The following CNTN5 variants were observed in gnomAD, a reference collection of about 807,000 sequenced individuals.
CNTN5 encodes contactin-5.
Under a neutral mutation model 129.1 loss-of-function variants are expected in CNTN5, and 77 were observed. The observed-to-expected ratio is 0.60, with a 90% confidence interval of 0.50 to 0.72. The LOEUF (loss-of-function observed/expected upper bound fraction) is 0.72. CNTN5 is among the 30% of genes least tolerant of loss of function. The pLI is 0.00. For synonymous variants in CNTN5, 509 were observed against 465.6 expected, an observed-to-expected ratio of 1.09 and a Z score of -1.20; for missense variants, 1,478 against 1,328.8, an observed-to-expected ratio of 1.11 and a Z score of -1.75.
chr11:99,158,564 C>A (rs1215543396), intron 1 of CNTN5, among the ~76,000 whole-genome samples: 1 of 151,900 alleles, frequency 6.6e-6, no homozygotes, highest in Non-Finnish European at 1.5e-5. Context: ...ACAAAGGAAA[C>A]CCCAGTATTA....
intron 3 of CNTN5, among the ~76,000 whole-genome samples, chr11:99,763,494 T>C (rs1315915610): frequency 6.6e-6 from 1 of 152,142 alleles, no homozygotes; most frequent in Non-Finnish European, 1.5e-5. Flanking sequence ...ATAATGTAGT[T>C]TTGGAATATA....
rs558884734 is a variant in CNTN5 at position 100,115,343 on chromosome 11, A to G, written c.1580+41049A>G. On this transcript the variant is annotated intron_variant, in intron 13 of 24. Transcript: ENST00000524871. ...GTAAGATATTATTTGTATTTAGCTC[A>G]TTTTGATCAATATCAGAAAACATTT... Among the ~76,000 whole-genome samples the G allele has an allele frequency of 6.5e-4, 99 of 152,228 alleles. 1 individual carries two copies. The highest frequency in any genetic ancestry group is 3.4e-3 in the Middle Eastern group (1 of 294).
chr11:99,855,628 A>T (rs1436109146), intron 6 of CNTN5, among the ~76,000 whole-genome samples: 1 of 152,140 alleles, frequency 6.6e-6, no homozygotes, highest in Non-Finnish European at 1.5e-5. Flanking sequence ...AAATTAGAAA[A>T]CAGAGTCTGA....
chr11:99,425,228 CCAAA>C (rs1347262550), intron 2 of CNTN5, among the ~76,000 whole-genome samples: 2 of 152,178 alleles, frequency 1.3e-5, no homozygotes, highest in Admixed American at 6.5e-5. Flanking sequence ...ATCTGATTGG[CCAAA>C]CAGTCATCAA....
At chr11:99,119,966 G>A (rs544345491) in intron 1 of CNTN5, among the ~76,000 whole-genome samples, 1 of 152,046 alleles carries the variant, frequency 6.6e-6, no homozygotes, top group Non-Finnish European at 1.5e-5. Flanking sequence ...TTTGGATGGG[G>A]TTGTTTGTTT....
chr11:99,943,156 G>A (rs1438088508), intron 7 of CNTN5, among the ~76,000 whole-genome samples: 2 of 152,008 alleles, frequency 1.3e-5, no homozygotes, highest in Non-Finnish European at 2.9e-5. Context: ...CCTCCAGTAG[G>A]TTAAAAGCGT....
intron 1 of CNTN5, among the ~76,000 whole-genome samples, chr11:99,307,213 T>C (rs781381711): frequency 1.1e-4 from 17 of 152,212 alleles, no homozygotes; most frequent in Non-Finnish European, 2.2e-4. Context: ...TAACAAATAA[T>C]TATCCAGCAC....
Position 100,323,391 on chromosome 11 carries a change from G to T in CNTN5, c.2730+14923G>T, listed in dbSNP as rs532636369. Among the ~76,000 whole-genome samples, 10 of 152,236 alleles carry T rather than the reference G, an allele frequency of 6.6e-5. 1 individual carries two copies. Among genetic ancestry groups the T allele is most frequent in the African/African-American group, 2.4e-4 (10 of 41,550 alleles). ...CAATCTTTTGCCACCATTGCCAGAGGGATTGAAGAACATTCACAAACAAAA... is the reference window on the plus strand; with the variant it reads ...CAATCTTTTGCCACCATTGCCAGAGTGATTGAAGAACATTCACAAACAAAA... On this transcript the variant is annotated intron_variant, in intron 21 of 24. Transcript: ENST00000524871.
At position 99,957,010 on chromosome 11, in the gene CNTN5, G is replaced by T. The variant is rs201760493; in HGVS notation, c.877+1G>T. On this transcript the variant is annotated splice_donor_variant, in intron 8 of 24. Transcript: ENST00000524871. LOFTEE classifies it high-confidence loss of function. ...ACGCCACTCACTCTGCGTAATGATG[G>T]TAAGTTGCTTGGCCCGTTAAAATGG... is the stretch of plus-strand genomic sequence containing the variant. 1 of 1,612,616 alleles carries T rather than the reference G, an allele frequency of 6.2e-7. No homozygotes were observed. The highest frequency in any genetic ancestry group is 8.5e-7 in the Non-Finnish European group (1 of 1,179,150).
chr11:100,070,672 T>C (rs1321206316), intron 11 of CNTN5, 112 bp downstream of exon 11: 17 of 875,730 alleles, frequency 1.9e-5, no homozygotes, highest in Non-Finnish European at 3.0e-5. Flanking sequence ...CTGATTCGTA[T>C]AATAGGACAT....
chr11:99,670,769 A>C (rs10790880), intron 3 of CNTN5, among the ~76,000 whole-genome samples: 30,391 of 152,036 alleles, frequency 0.2, 3,116 homozygotes, highest in South Asian at 0.3. Context: ...CATTCACCAT[A>C]GGTTTGCATC....
intron 13 of CNTN5, among the ~76,000 whole-genome samples, chr11:100,082,582 C>T (rs895720715): frequency 6.6e-6 from 1 of 152,140 alleles, no homozygotes; most frequent in Non-Finnish European, 1.5e-5. Context: ...GTGAGCCACT[C>T]TGCCCAGCCC....
intron 3 of CNTN5, among the ~76,000 whole-genome samples, chr11:99,711,046 G>T (rs1409642326): frequency 6.6e-6 from 1 of 151,890 alleles, no homozygotes; most frequent in East Asian, 2.0e-4. Context: ...TTATTCATCA[G>T]TTCTGGAGAT....
At chr11:99,275,917 G>A (rs1863405014) in intron 1 of CNTN5, among the ~76,000 whole-genome samples, 1 of 151,380 alleles carries the variant, frequency 6.6e-6, no homozygotes, top group Non-Finnish European at 1.5e-5. Flanking sequence ...GAAAGAACAT[G>A]GATACAGAAA....
At chr11:99,675,013 G>GGTTTTGTTTTGTTTTGTTTT (rs141283660) in intron 3 of CNTN5, among the ~76,000 whole-genome samples, 3 of 149,578 alleles carry the variant, frequency 2.0e-5, no homozygotes, top group South Asian at 4.2e-4. Flanking sequence ...GCATTTTTCT[G>GGTTTTGTTTTGTTTTGTTTT]GTTTTGTTTT....
At chr11:100,145,483 T>C (rs1946822976) in intron 13 of CNTN5, among the ~76,000 whole-genome samples, 1 of 152,186 alleles carries the variant, frequency 6.6e-6, no homozygotes, top group South Asian at 2.1e-4. Flanking sequence ...ATTTGCAACA[T>C]GTCTGAACAC....
intron 1 of CNTN5, among the ~76,000 whole-genome samples, chr11:99,290,710 C>T (rs1591477348): frequency 2.0e-5 from 3 of 151,890 alleles, no homozygotes; most frequent in Admixed American, 2.0e-4. Context: ...TTGAAAGGTA[C>T]ATCATCAGTA....
chr11:99,430,195 G>A, intron 2 of CNTN5, among the ~76,000 whole-genome samples: 1 of 151,952 alleles, frequency 6.6e-6, no homozygotes. Context: ...GGGAAAGGAG[G>A]AATAGGGTAG....
chr11:100,104,021 A>C (rs186048189), intron 13 of CNTN5, among the ~76,000 whole-genome samples: 2 of 152,180 alleles, frequency 1.3e-5, no homozygotes, highest in Non-Finnish European at 2.9e-5. Context: ...AAATTTGTTA[A>C]ATTATCTGCT....
Sources: gnomAD v4.1 joint callset for allele counts (sites outside exome capture counted in the v4.1 genomes callset) on GRCh38, gnomAD v4.1.1 for gene constraint, MANE v1.5 for transcripts, NCBI Gene and HGNC (gene_info 2026-07-23, HGNC 2026-07-21) for gene names.